The following BICRAL variants were observed in gnomAD, a reference collection of about 807,000 sequenced individuals.
The protein encoded by BICRAL is BICRA like chromatin remodeling complex associated protein.
BICRAL carries 8 observed loss-of-function variants against 91.8 expected under a neutral mutation model. The observed-to-expected ratio is 0.09, with a 90% confidence interval of 0.05 to 0.16. BICRAL has a LOEUF of 0.16. Among genes scored for constraint, BICRAL ranks in the 10% least tolerant of loss-of-function variants. The pLI is 1.00. For synonymous variants in BICRAL, 445 were observed against 491.1 expected (o/e 0.91, Z 1.24); for missense variants, 1,038 against 1,310.9 (o/e 0.79, Z 3.21).
At chr6:42,781,236 A>G (rs1004534651), upstream of BICRAL, among the ~76,000 whole-genome samples, 20 of 152,196 alleles carry the variant, frequency 1.3e-4, no homozygotes, top group African/African-American at 4.8e-4. Flanking sequence ...CTACATAAAG[A>G]GAAGGCAGTA....
chr6:42,862,351 A>T (rs1217554732), intron 11 of BICRAL, among the ~76,000 whole-genome samples, 159 bp from the exon 12 acceptor site: 2 of 152,182 alleles, frequency 1.3e-5, no homozygotes, highest in Admixed American at 6.6e-5. Context: ...GCACTGGGTG[A>T]TAGTGGGTGC....
At chr6:42,761,664 T>G (rs575970845) in intron 1 of BICRAL, among the ~76,000 whole-genome samples, 65 of 152,146 alleles carry the variant, frequency 4.3e-4, no homozygotes, top group African/African-American at 1.5e-3. Context: ...TCCCAGAACT[T>G]TGGGAGGCTG....
intron 11 of BICRAL, among the ~76,000 whole-genome samples, chr6:42,861,869 C>G (rs1490989175): frequency 6.6e-6 from 1 of 151,886 alleles, no homozygotes; most frequent in African/African-American, 2.4e-5. Context: ...TGTGGTGGTG[C>G]GTGCCTGTAA....
chr6:42,832,865 C>A (rs1161248658), intron 6 of BICRAL, among the ~76,000 whole-genome samples: 2 of 152,006 alleles, frequency 1.3e-5, no homozygotes, highest in African/African-American at 4.8e-5. Flanking sequence ...AACCACAGTA[C>A]AGTAATGAAC....
chr6:42,856,550 T>C (rs1196021030), intron 9 of BICRAL, among the ~76,000 whole-genome samples: 1 of 151,596 alleles, frequency 6.6e-6, no homozygotes, highest in Admixed American at 6.6e-5. Flanking sequence ...AATTTTTGTA[T>C]TTTTGTAGAG....
chr6:42,844,402 G>C (rs970818838), intron 6 of BICRAL, among the ~76,000 whole-genome samples: 3 of 150,006 alleles, frequency 2.0e-5, no homozygotes, highest in Admixed American at 1.3e-4. Context: ...CCAGCTACTC[G>C]GGAGGCTGAG....
intron 6 of BICRAL, among the ~76,000 whole-genome samples, chr6:42,833,423 G>A (rs750875141): frequency 4.0e-5 from 6 of 151,792 alleles, no homozygotes; most frequent in Admixed American, 3.3e-4. Context: ...CTCATGCCCC[G>A]GCATGCAGCT....
intron 3 of BICRAL, among the ~76,000 whole-genome samples, chr6:42,822,514 G>A (rs1764169903): frequency 6.6e-6 from 1 of 150,788 alleles, no homozygotes; most frequent in Admixed American, 6.6e-5. Context: ...CTCCCAAAGT[G>A]CTGGGATTAC....
intron 1 of BICRAL, among the ~76,000 whole-genome samples, chr6:42,752,888 C>T (rs926710369): frequency 2.0e-5 from 3 of 150,272 alleles, no homozygotes; most frequent in South Asian, 2.1e-4. Context: ...CAGGTGTGAG[C>T]CACAGTGCCC....
intron 1 of BICRAL, among the ~76,000 whole-genome samples, chr6:42,792,566 C>G (rs1308387509): frequency 6.6e-6 from 1 of 151,984 alleles, no homozygotes; most frequent in East Asian, 1.9e-4. Context: ...AGCCACTCCG[C>G]TTGGCCTAGA....
intron 1 of BICRAL, among the ~76,000 whole-genome samples, chr6:42,755,970 G>A (rs144901765): frequency 1.3e-3 from 193 of 151,872 alleles, no homozygotes; most frequent in African/African-American, 4.4e-3. Context: ...CACCGCGCCC[G>A]GCCCAGTCAC....
At chr6:42,844,610 G>T (rs1421940386) in intron 6 of BICRAL, among the ~76,000 whole-genome samples, 1 of 150,770 alleles carries the variant, frequency 6.6e-6, no homozygotes, top group South Asian at 2.1e-4. Context: ...AGGAGTGGGC[G>T]TTCTGATAGA....
intron 1 of BICRAL, among the ~76,000 whole-genome samples, chr6:42,794,062 T>G (rs1444814420): frequency 6.6e-6 from 1 of 151,890 alleles, no homozygotes; most frequent in Non-Finnish European, 1.5e-5. Flanking sequence ...AAGAAAAAAT[T>G]TGAGACAGGG....
chr6:42,751,771 C>T (rs1228338647), intron 1 of BICRAL, among the ~76,000 whole-genome samples: 1 of 150,288 alleles, frequency 6.7e-6, no homozygotes, highest in Non-Finnish European at 1.5e-5. Context: ...GATTTTCCTG[C>T]CTCAGCCTCC....
At chr6:42,834,355 T>C (rs1764582809) in intron 6 of BICRAL, among the ~76,000 whole-genome samples, 2 of 152,230 alleles carry the variant, frequency 1.3e-5, no homozygotes, top group Admixed American at 6.5e-5. Context: ...TGTCATTAAT[T>C]AGAATCTTCC....
intron 2 of BICRAL, among the ~76,000 whole-genome samples, chr6:42,816,403 C>A: frequency 6.6e-6 from 1 of 151,784 alleles, no homozygotes; most frequent in Non-Finnish European, 1.5e-5. Context: ...TTAAGGAAAG[C>A]GAGCCTTACT....
chr6:42,771,330 C>G (rs556807997), intron 1 of BICRAL, among the ~76,000 whole-genome samples: 8 of 152,164 alleles, frequency 5.3e-5, no homozygotes, highest in Non-Finnish European at 1.2e-4. Flanking sequence ...ACTTGCGGCC[C>G]GGCTTCATTA....
At chr6:42,803,297 G>A (rs1763626007) in intron 1 of BICRAL, among the ~76,000 whole-genome samples, 1 of 152,186 alleles carries the variant, frequency 6.6e-6, no homozygotes, top group East Asian at 1.9e-4. Flanking sequence ...TTTAAAACTT[G>A]TATTTCCTTA....
intron 1 of BICRAL, among the ~76,000 whole-genome samples, chr6:42,787,075 T>G (rs1361334755): frequency 6.6e-6 from 1 of 152,192 alleles, no homozygotes; most frequent in African/African-American, 2.4e-5. Context: ...CCAAGATCGA[T>G]AGTATCTCAG....
Sources: allele counts gnomAD v4.1 joint callset (sites outside exome capture counted in the v4.1 genomes callset), GRCh38; gene constraint gnomAD v4.1.1; transcripts MANE v1.5; gene names NCBI Gene and HGNC (gene_info 2026-07-23, HGNC 2026-07-21).